ADIPOQ: variants seen among roughly 807,000 people sequenced by gnomAD.
ADIPOQ encodes adiponectin, C1Q and collagen domain containing.
Under a neutral mutation model 16.1 loss-of-function variants are expected in ADIPOQ, and 19 were observed. The ratio of observed to expected loss-of-function variants is 1.18; its 90% CI spans 0.82 to 1.73. The LOEUF (loss-of-function observed/expected upper bound fraction) is 1.73. ADIPOQ is among the 40% of genes most tolerant of loss of function. The probability of loss-of-function intolerance (pLI) is 0.00; values close to 1 mark genes in which losing one functional copy is unlikely to be tolerated. For synonymous variants in ADIPOQ, 124 were observed against 125.5 expected (o/e 0.99, Z 0.08); for missense variants, 323 against 308.3 (o/e 1.05, Z -0.36).
intron 1 of ADIPOQ, among the ~76,000 whole-genome samples, chr3:186,846,003 T>C (rs1443977942): frequency 1.3e-5 from 2 of 152,174 alleles, no homozygotes; most frequent in East Asian, 3.8e-4. Context: ...ACAGAGTCTC[T>C]GAGGGATCAT....
chr3:186,848,304 A>T (rs868283488), intron 1 of ADIPOQ, among the ~76,000 whole-genome samples: 1 of 115,898 alleles, frequency 8.6e-6, no homozygotes, highest in African/African-American at 3.3e-5. Context: ...GAAGGAAGGA[A>T]AGAAGGAAGG....
chr3:186,854,644 T>C lies in ADIPOQ; in HGVS notation c.675T>C (p.Tyr225=), dbSNP rs1473344528. The change falls in exon 3 of 3, where the codon TAT becomes TAC. Residue 225 remains tyrosine, a synonymous_variant. Transcript: ENST00000320741. ...GGGAAGGAGAGCGTAATGGACTCTA[T>C]GCTGATAATGACAATGACTCCACCT... ...VYGEGERNGL[Y]ADNDNDSTFT... 1.9e-6 allele frequency: 3 copies of C among 1,614,144 alleles called. No individual in the cohort carries two copies. Among genetic ancestry groups the C allele is most frequent in the Admixed American group, 1.7e-5 (1 of 60,014 alleles).
At chr3:186,843,101 T>A (rs996435399) in intron 1 of ADIPOQ, among the ~76,000 whole-genome samples, 1 of 152,178 alleles carries the variant, frequency 6.6e-6, no homozygotes, top group African/African-American at 2.4e-5. Flanking sequence ...GATAAGGGAA[T>A]ACATTGCCTC....
chr3:186,853,314 C>G (rs992775884), intron 2 of ADIPOQ, 42 bp downstream of exon 2: 4 of 1,542,172 alleles, frequency 2.6e-6, no homozygotes, highest in Middle Eastern at 1.7e-4. Flanking sequence ...ACCTCCTACA[C>G]TGATATAAAC....
At chr3:186,852,063 G>A (rs573303222) in intron 1 of ADIPOQ, 2 of 152,842 alleles carry the variant, frequency 1.3e-5, no homozygotes, top group South Asian at 4.1e-4. Context: ...TATAGGGGAA[G>A]TGCTACACAC....
chr3:186,853,457 A>G (rs1711864168), intron 2 of ADIPOQ, among the ~76,000 whole-genome samples, 185 bp downstream of exon 2: 1 of 151,872 alleles, frequency 6.6e-6, no homozygotes, highest in Non-Finnish European at 1.5e-5. Flanking sequence ...TGCCTCTATA[A>G]CCAAGACTTT....
At chr3:186,854,046 T>G in intron 2 of ADIPOQ, 138 bp from the exon 3 acceptor site, 5 of 860,744 alleles carry the variant, frequency 5.8e-6, no homozygotes, top group Non-Finnish European at 7.1e-6. Context: ...CTCTCTCCTT[T>G]TGGGAGCTCT....
intron 1 of ADIPOQ, among the ~76,000 whole-genome samples, chr3:186,851,172 T>C (rs1368780176): frequency 1.3e-5 from 2 of 152,158 alleles, no homozygotes; most frequent in Non-Finnish European, 2.9e-5. Context: ...GGAGACTTCA[T>C]ATAATCTAGA....
Position 186,853,080 on chromosome 3 carries a change from C to G in ADIPOQ, c.22C>G (p.Leu8Val). The part of the protein sequence containing the change: MLLLGAV[L>V]LLLALPGHDQ... ...CAGGATGCTGTTGCTGGGAGCTGTTCTACTGCTATTAGCTCTGCCCGGTCA... is the reference window on the plus strand; with the variant it reads ...CAGGATGCTGTTGCTGGGAGCTGTTGTACTGCTATTAGCTCTGCCCGGTCA... The change falls in exon 2 of 3, where the codon CTA becomes GTA. Residue 8 changes from leucine (L) to valine (V), a missense_variant. Leu to Val is a conservative substitution (Grantham distance 32). Transcript: ENST00000320741. The G allele has an allele frequency of 1.9e-6, 3 of 1,612,286 alleles. No homozygotes were observed. The highest frequency in any genetic ancestry group is 1.1e-5 in the South Asian group (1 of 90,250).
chr3:186,852,928 T>C (rs758856001), intron 1 of ADIPOQ, 123 bp from the exon 2 acceptor site: 2 of 986,610 alleles, frequency 2.0e-6, no homozygotes, highest in Non-Finnish European at 3.0e-6. Context: ...AAAAGTTGAA[T>C]ACTTAGAAAG....
chr3:186,857,791 C>T lies in ADIPOQ; in HGVS notation c.*3087C>T, dbSNP rs183634696. Reference sequence around the variant, plus strand: ...TGTTTAGTATTATGTCTTATTGGTGCATTTACTCTCTTATCATTATGTAAT... The same window carrying T: ...TGTTTAGTATTATGTCTTATTGGTGTATTTACTCTCTTATCATTATGTAAT... On this transcript the variant is annotated 3_prime_UTR_variant, in exon 3 of 3. Coordinates refer to ENST00000320741, the MANE Select transcript of ADIPOQ (RefSeq NM_004797.4). 21 of 152,166 alleles carry T rather than the reference C, an allele frequency of 1.4e-4. No individual in the cohort carries two copies. The highest frequency in any genetic ancestry group is 9.8e-4 in the Admixed American group (15 of 15,276). 9.4% of individuals were successfully genotyped at this position (152,166 alleles called of 1,614,324 possible).
At chr3:186,843,110 T>C (rs1239385122) in intron 1 of ADIPOQ, among the ~76,000 whole-genome samples, 3 of 152,190 alleles carry the variant, frequency 2.0e-5, no homozygotes, top group Admixed American at 2.0e-4. Context: ...ATACATTGCC[T>C]CTTAGCTTGA....
At chr3:186,844,408 G>A (rs934079279) in intron 1 of ADIPOQ, among the ~76,000 whole-genome samples, 1 of 151,020 alleles carries the variant, frequency 6.6e-6, no homozygotes, top group Non-Finnish European at 1.5e-5. Flanking sequence ...GCCTCCCAAA[G>A]TGCTGGTATT....
At position 186,857,653 on chromosome 3, in the gene ADIPOQ, AG is replaced by A. The variant is rs1251683950; in HGVS notation, c.*2951del. The A allele has an allele frequency of 6.6e-6, 1 of 152,226 alleles. No individual in the cohort carries two copies. The highest frequency in any genetic ancestry group is 1.5e-5 in the Non-Finnish European group (1 of 68,040). 9.4% of individuals were successfully genotyped at this position (152,226 alleles called of 1,614,324 possible). ...TGAGAGAAACTGAGGTCAAGATTTCAGGATTAATGGTCCTGTGATGCTTTGA... is the reference window on the plus strand; with the variant it reads ...TGAGAGAAACTGAGGTCAAGATTTCAGATTAATGGTCCTGTGATGCTTTGA... On this transcript the variant is annotated 3_prime_UTR_variant, in exon 3 of 3. Transcript: ENST00000320741.
chr3:186,857,193 T>C lies in ADIPOQ; in HGVS notation c.*2489T>C, dbSNP rs1560112006. Reference sequence around the variant, plus strand: ...GCCCCAGCAAGTGTAACCTTGCATCTCATTGCTCTGGCTGAGTTGTGTGCC... The same window carrying C: ...GCCCCAGCAAGTGTAACCTTGCATCCCATTGCTCTGGCTGAGTTGTGTGCC... On this transcript the variant is annotated 3_prime_UTR_variant, in exon 3 of 3. Transcript: ENST00000320741. 6.6e-6 allele frequency: 1 copy of C among 152,232 alleles called. No individual in the cohort carries two copies. Among genetic ancestry groups the C allele is most frequent in the East Asian group, 1.9e-4 (1 of 5,190 alleles). 9.4% of individuals were successfully genotyped at this position (152,232 alleles called of 1,614,324 possible).
Position 186,857,633 on chromosome 3 carries a change from G to T in ADIPOQ, c.*2929G>T, listed in dbSNP as rs1180263950. On this transcript the variant is annotated 3_prime_UTR_variant, in exon 3 of 3. Coordinates refer to ENST00000320741, the MANE Select transcript of ADIPOQ (RefSeq NM_004797.4). The stretch of plus-strand genomic sequence containing the variant: ...AACTGAGGCCAAAAGAGGCCTGAGA[G>T]AAACTGAGGTCAAGATTTCAGGATT... The T allele has an allele frequency of 2.0e-5, 3 of 152,198 alleles. No individual in the cohort carries two copies. The highest frequency in any genetic ancestry group is 1.3e-4 in the Admixed American group (2 of 15,276). The allele number at this position is 152,198 out of a possible 1,614,324, so 9.4% of individuals were successfully genotyped here. A position where few individuals can be genotyped will look rare whatever the true frequency, so the allele number is the denominator to read the frequency against.
At chr3:186,845,255 T>G (rs1257011473) in intron 1 of ADIPOQ, among the ~76,000 whole-genome samples, 3 of 152,100 alleles carry the variant, frequency 2.0e-5, no homozygotes, top group Non-Finnish European at 4.4e-5. Context: ...AGTGAAGGCT[T>G]TCGGGCAAAG....
chr3:186,854,256 G>A lies in ADIPOQ; in HGVS notation c.287G>A (p.Gly96Glu). 1 of 1,613,798 alleles carries A rather than the reference G, an allele frequency of 6.2e-7. No homozygotes were observed. Among genetic ancestry groups the A allele is most frequent in the Non-Finnish European group, 8.5e-7 (1 of 1,179,686 alleles). ...GCTGAAGGTCCCCGAGGCTTTCCGG[G>A]AATCCAAGGCAGGAAAGGAGAACCT... ...PGAEGPRGFP[G>E]IQGRKGEPGE... is the part of the protein sequence containing the mutation. The change falls in exon 3 of 3, where the codon GGA becomes GAA. Residue 96 changes from glycine to glutamate, a missense_variant. Transcript: ENST00000320741.
At chr3:186,847,124 A>T (rs1277595170) in intron 1 of ADIPOQ, among the ~76,000 whole-genome samples, 1 of 152,212 alleles carries the variant, frequency 6.6e-6, no homozygotes, top group Non-Finnish European at 1.5e-5. Context: ...CATGTGCCAG[A>T]CACCATTCTA....
Sources: gnomAD v4.1 joint callset for allele counts (sites outside exome capture counted in the v4.1 genomes callset) on GRCh38, gnomAD v4.1.1 for gene constraint, MANE v1.5 for transcripts, NCBI Gene and HGNC (gene_info 2026-07-23, HGNC 2026-07-21) for gene names.